ARHGEF4: variants seen among roughly 807,000 people sequenced by gnomAD.
ARHGEF4 encodes Rho guanine nucleotide exchange factor 4, also known as APC-stimulated guanine nucleotide exchange factor 1.
A neutral mutation model predicts 162.0 loss-of-function variants in ARHGEF4; 119 were observed. The observed-to-expected ratio is 0.73, with a 90% CI of 0.63 to 0.86. The LOEUF (loss-of-function observed/expected upper bound fraction) is 0.86. Among genes scored for constraint, ARHGEF4 ranks in the 40% least tolerant of loss-of-function variants. ARHGEF4 has a pLI of 0.00. For missense variants in ARHGEF4, 2,488 were observed against 2,456.0 expected, an observed-to-expected ratio of 1.01 and a Z score of -0.28; for synonymous variants, 1,014 against 979.9, an observed-to-expected ratio of 1.03 and a Z score of -0.65.
chr2:130,956,658 A>C (rs1211496671), intron 4 of ARHGEF4, among the ~76,000 whole-genome samples: 2 of 151,994 alleles, frequency 1.3e-5, no homozygotes, highest in Non-Finnish European at 2.9e-5. Context: ...TGATGAGTTC[A>C]TGTCCTTTGT....
intron 1 of ARHGEF4, among the ~76,000 whole-genome samples, chr2:130,876,065 C>A (rs916133664): frequency 7.2e-5 from 11 of 152,226 alleles, no homozygotes; most frequent in African/African-American, 1.9e-4. Context: ...AGCTTTTTCT[C>A]CAGCCAGGAA....
At chr2:131,025,900 A>G (rs1209092718) in intron 4 of ARHGEF4, among the ~76,000 whole-genome samples, 1 of 152,250 alleles carries the variant, frequency 6.6e-6, no homozygotes, top group African/African-American at 2.4e-5. Flanking sequence ...GGATAATCCA[A>G]GATAATCTTC....
chr2:130,851,156 A>G (rs1008351923), intron 1 of ARHGEF4, among the ~76,000 whole-genome samples: 1 of 152,280 alleles, frequency 6.6e-6, no homozygotes, highest in African/African-American at 2.4e-5. Flanking sequence ...AAGTGCCTGC[A>G]CTTTGAGAAG....
chr2:131,027,282 GTGGATTTGC>G (rs1188832163), intron 4 of ARHGEF4, among the ~76,000 whole-genome samples: 2 of 152,248 alleles, frequency 1.3e-5, no homozygotes, highest in Non-Finnish European at 2.9e-5. Flanking sequence ...CCAGAGAAGA[GTGGATTTGC>G]TGGATCCCTT....
intron 3 of ARHGEF4, among the ~76,000 whole-genome samples, chr2:130,942,879 G>T (rs1683394764): frequency 6.6e-6 from 1 of 152,108 alleles, no homozygotes; most frequent in Non-Finnish European, 1.5e-5. Context: ...CTCTCTTGGT[G>T]AATGTTCCAT....
intron 4 of ARHGEF4, among the ~76,000 whole-genome samples, chr2:130,961,514 G>A (rs1286781263): frequency 1.3e-5 from 2 of 152,150 alleles, no homozygotes; most frequent in Admixed American, 6.5e-5. Flanking sequence ...AGGGACAGGA[G>A]GAGGAAGAGA....
At chr2:130,880,824 C>T (rs994033695) in intron 1 of ARHGEF4, among the ~76,000 whole-genome samples, 9 of 151,670 alleles carry the variant, frequency 5.9e-5, no homozygotes, top group Non-Finnish European at 1.0e-4. Flanking sequence ...TGTGAGCACC[C>T]GGCCAAATTT....
At chr2:130,973,158 A>G (rs1001630018) in intron 4 of ARHGEF4, among the ~76,000 whole-genome samples, 6 of 152,268 alleles carry the variant, frequency 3.9e-5, no homozygotes, top group Non-Finnish European at 7.3e-5. Context: ...GAAGGATGCA[A>G]ATAAAAGAAG....
rs1352112388 is a variant in ARHGEF4, at chr2:130,917,402, A to G, written c.3456A>G (p.Leu1152=). Residue 1152 remains leucine (L), a synonymous_variant, in exon 2 of 14, where the codon CTA becomes CTG. Coordinates refer to ENST00000409359, the MANE Select transcript of ARHGEF4 (RefSeq NM_001367493.1). ...QTSFLLSLQT[L]NQDEQKEESR... ...GTTTCCTGCTTTCTCTGCAGACGCT[A>G]AACCAAGATGAGCAGAAGGAAGAGA... 1.9e-6 allele frequency: 3 copies of G among 1,550,536 alleles called. No homozygotes were observed. Among genetic ancestry groups the G allele is most frequent in the Non-Finnish European group, 2.6e-6 (3 of 1,147,012 alleles).
At chr2:130,988,819 T>C (rs1459224314) in intron 4 of ARHGEF4, among the ~76,000 whole-genome samples, 2 of 151,026 alleles carry the variant, frequency 1.3e-5, no homozygotes, top group East Asian at 3.9e-4. Flanking sequence ...TTAAGCCACA[T>C]TGTAATGAGT....
In ARHGEF4 at chr2:130,886,203, A is replaced by G. The variant is rs565259629; in HGVS notation, c.40-27783A>G. ...GGCCCTTATTTATTTTATTCTTACTATGTTGATGGATTTGATTTGATGATG... is the reference window on the plus strand; with the variant it reads ...GGCCCTTATTTATTTTATTCTTACTGTGTTGATGGATTTGATTTGATGATG... On this transcript the variant is annotated intron_variant, in intron 1 of 13. Coordinates refer to ENST00000409359, the MANE Select transcript of ARHGEF4 (RefSeq NM_001367493.1). 4.6e-5 allele frequency among the ~76,000 whole-genome samples: 7 copies of G among 151,766 alleles called. No homozygotes were observed. The South Asian group carries it at 8.3e-4, about 18-fold the overall frequency.
intron 4 of ARHGEF4, among the ~76,000 whole-genome samples, chr2:131,012,659 C>A (rs1408104266): frequency 1.3e-5 from 2 of 152,154 alleles, no homozygotes; most frequent in Non-Finnish European, 2.9e-5. Context: ...TGGCTCACTG[C>A]AACCTCCGCC....
intron 4 of ARHGEF4, among the ~76,000 whole-genome samples, chr2:131,006,393 G>A (rs1355274451): frequency 6.6e-6 from 1 of 152,212 alleles, no homozygotes; most frequent in Admixed American, 6.5e-5. Context: ...ATTTGTTTCA[G>A]CAGCAATAGG....
chr2:130,946,412 T>C lies in ARHGEF4; in HGVS notation c.3859-97T>C, dbSNP rs1043526588. 3 of 1,459,234 alleles carry C rather than the reference T, an allele frequency of 2.1e-6. No individual in the cohort carries two copies. In the African/African-American group the frequency reaches 4.2e-5, roughly 21 times the overall value. 90.4% of individuals were successfully genotyped at this position (1,459,234 alleles called of 1,614,324 possible). A position where few individuals can be genotyped will look rare whatever the true frequency, so the allele number is the denominator to read the frequency against. ...TTTTGGTTGTGTGCTCTGTTCACAA[T>C]GAAAAGTCCTCAGCAATTAGAAAGA... On this transcript the variant is annotated intron_variant, in intron 3 of 13. Coordinates refer to ENST00000409359, the MANE Select transcript of ARHGEF4 (RefSeq NM_001367493.1).
chr2:130,915,776 T>A lies in ARHGEF4; in HGVS notation c.1830T>A (p.Gly610=), dbSNP rs1178134012. 1.3e-6 allele frequency: 2 copies of A among 1,527,828 alleles called. No homozygotes were observed. The highest frequency in any genetic ancestry group is 4.2e-5 in the Admixed American group (2 of 47,594). The allele number at this position is 1,527,828 out of a possible 1,614,324, so 94.6% of individuals were successfully genotyped here. The change falls in exon 2 of 14, where the codon GGT becomes GGA. Residue 610 remains glycine, a synonymous_variant. Transcript: ENST00000409359. ...AGGAGGGTGAACAGGGGCCTGGGGG[T>A]GCCGGGGGCCGGCAGCTGGAGCCCA... is the stretch of plus-strand genomic sequence containing the variant. ...GAEEGEQGPG[G]AGGRQLEPKA... is the part of the protein sequence containing the mutation.
intron 1 of ARHGEF4, among the ~76,000 whole-genome samples, chr2:130,909,958 T>C (rs1464205394): frequency 6.6e-6 from 1 of 151,838 alleles, no homozygotes; most frequent in African/African-American, 2.4e-5. Context: ...TCAAAAAGTA[T>C]GGAATTCAGT....
chr2:130,916,175 C>A lies in ARHGEF4; in HGVS notation c.2229C>A (p.Ser743Arg). 6.5e-7 allele frequency: 1 copy of A among 1,548,618 alleles called. No homozygotes were observed. The highest frequency in any genetic ancestry group is 8.7e-7 in the Non-Finnish European group (1 of 1,146,822). ...AGAGACTGCGTGGGGAGAGCCGGAG[C>A]TCCGGGTCAGGGGAGCGTGGCCCGG... The part of the protein sequence containing the change: ...PGERLRGESR[S>R]SGSGERGPEE... Residue 743 changes from serine to arginine, a missense_variant, in exon 2 of 14, where the codon AGC becomes AGA. Physicochemically the swap from Ser to Arg is moderately radical, Grantham distance 110. Transcript: ENST00000409359.
intron 4 of ARHGEF4, among the ~76,000 whole-genome samples, chr2:130,957,284 G>C (rs1684348415): frequency 6.6e-6 from 1 of 150,962 alleles, no homozygotes; most frequent in African/African-American, 2.4e-5. Flanking sequence ...ATGGAATTCA[G>C]TTCAGCAATT....
At chr2:130,955,034 A>G (rs1038488702) in intron 4 of ARHGEF4, among the ~76,000 whole-genome samples, 1 of 151,690 alleles carries the variant, frequency 6.6e-6, no homozygotes, top group African/African-American at 2.4e-5. Context: ...CAAGTTTGCT[A>G]ATTATTTCTT....
Sources: gnomAD v4.1 joint callset for allele counts (sites outside exome capture counted in the v4.1 genomes callset) on GRCh38, gnomAD v4.1.1 for gene constraint, MANE v1.5 for transcripts, NCBI Gene and HGNC (gene_info 2026-07-23, HGNC 2026-07-21) for gene names.